HTT: variants seen among roughly 807,000 people sequenced by gnomAD.
HTT encodes huntington disease protein.
In HTT, 104 loss-of-function variants were observed where a neutral mutation model predicts 362.3. The observed-to-expected ratio is 0.29, with a 90% CI of 0.24 to 0.34. The LOEUF (loss-of-function observed/expected upper bound fraction) is 0.34. Ranked by LOEUF, HTT falls within the 10% of genes least tolerant of loss-of-function variation. HTT has a pLI of 1.00. For synonymous variants in HTT, 1,577 were observed against 1,548.7 expected (o/e 1.02, Z -0.43); for missense variants, 3,301 against 3,928.6 (o/e 0.84, Z 4.27).
In HTT at chr4:3,107,435, G is replaced by A; in HGVS notation, c.747+12G>A. The A allele has an allele frequency of 6.2e-7, 1 of 1,613,904 alleles. No homozygotes were observed. Among genetic ancestry groups the A allele is most frequent in the Non-Finnish European group, 8.5e-7 (1 of 1,179,804 alleles). ...ACAATGAAATTAAGGTATGATTGTT[G>A]CCTCAGGTCACAAACATGCGAGTGA... On this transcript the variant is annotated intron_variant, in intron 6 of 66. Coordinates refer to ENST00000355072, the MANE Select transcript of HTT (RefSeq NM_001388492.1).
chr4:3,133,112 C>G (rs1215596182), intron 18 of HTT, among the ~76,000 whole-genome samples: 1 of 152,084 alleles, frequency 6.6e-6, no homozygotes. Flanking sequence ...AGTTTAAGTT[C>G]TAATTCTCAG....
Position 3,172,351 on chromosome 4 carries a change from C to T in HTT, c.3896C>T (p.Ser1299Phe). 1.9e-6 allele frequency: 3 copies of T among 1,606,002 alleles called. No homozygotes were observed. The highest frequency in any genetic ancestry group is 1.7e-6 in the Non-Finnish European group (2 of 1,174,256). Residue 1299 changes from serine to phenylalanine, a missense_variant, in exon 30 of 67, where the codon TCC becomes TTC. Around this residue, in one of 4 missense-constraint regions of HTT, gnomAD observed 2,316 missense variants for 2,658.5 expected, o/e 0.87. Transcript: ENST00000355072. ...GAAGAGATCCTAGGATACCTGAAAT[C>T]CTGCTTTAGTCGAGAACCAATGATG... ...CVEEILGYLK[S>F]CFSREPMMAT...
chr4:3,180,821 G>GT (rs1234768679), intron 36 of HTT, 170 bp downstream of exon 36: 1 of 266,200 alleles, frequency 3.8e-6, no homozygotes, highest in Non-Finnish European at 6.8e-6. Context: ...GAGGCGGGGG[G>GT]TGGGGGGGTG....
chr4:3,112,381 A>G (rs1181410138), intron 6 of HTT, among the ~76,000 whole-genome samples: 1 of 152,220 alleles, frequency 6.6e-6, no homozygotes, highest in African/African-American at 2.4e-5. Context: ...AGGTCAAGAC[A>G]GAATATTACC....
At chr4:3,192,093 G>T (rs947499000) in intron 40 of HTT, among the ~76,000 whole-genome samples, 1 of 152,054 alleles carries the variant, frequency 6.6e-6, no homozygotes, top group African/African-American at 2.4e-5. Flanking sequence ...TAAAGATAGG[G>T]TCTCACTTTG....
In HTT at chr4:3,241,769, C is replaced by G. The variant is rs1217444477; in HGVS notation, c.*1710C>G. 4 of 152,248 alleles carry G rather than the reference C, an allele frequency of 2.6e-5. No individual in the cohort carries two copies. The highest frequency in any genetic ancestry group is 6.5e-5 in the Admixed American group (1 of 15,282). The allele number at this position is 152,248 out of a possible 1,614,324, so 9.4% of individuals were successfully genotyped here. A position where few individuals can be genotyped will look rare whatever the true frequency, so the allele number is the denominator to read the frequency against. ...AGGGGGAGCTGAAAGGGAGCCCCTC[C>G]TCTGAGCAGCCTCTGCCAGGCCTGT... is the stretch of plus-strand genomic sequence containing the variant. On this transcript the variant is annotated 3_prime_UTR_variant, in exon 67 of 67. Transcript: ENST00000355072.
intron 64 of HTT, among the ~76,000 whole-genome samples, chr4:3,237,942 A>G (rs1721618326): frequency 6.6e-6 from 1 of 152,226 alleles, no homozygotes. Flanking sequence ...TAGAACACAT[A>G]GGGATGTTTG....
chr4:3,125,379 A>G (rs1014006315), intron 10 of HTT, among the ~76,000 whole-genome samples, 170 bp from the exon 11 acceptor site: 7 of 152,324 alleles, frequency 4.6e-5, no homozygotes, highest in East Asian at 1.9e-4. Context: ...TAACATCTCT[A>G]CATTCTTTGT....
In HTT at chr4:3,178,304, A is replaced by G; in HGVS notation, c.4470A>G (p.Ser1490=). 1.9e-6 allele frequency: 3 copies of G among 1,605,114 alleles called. No individual in the cohort carries two copies. Among genetic ancestry groups the G allele is most frequent in the Non-Finnish European group, 2.6e-6 (3 of 1,172,562 alleles). Residue 1490 remains serine, a synonymous_variant, in exon 35 of 67, where the codon TCA becomes TCG. Coordinates refer to ENST00000355072, the MANE Select transcript of HTT (RefSeq NM_001388492.1). ...EYIEVGQFRE[S]EAIIPNIFFF... is the part of the protein sequence containing the mutation. ...TGGATGTTTTTGTTTTTAGGGAATC[A>G]GAGGCAATCATTCCAAACATCTTTT...
intron 61 of HTT, 133 bp from the exon 62 acceptor site, chr4:3,235,151 C>T (rs1419671700): frequency 4.6e-6 from 3 of 651,786 alleles, no homozygotes; most frequent in Non-Finnish European, 5.4e-6. Flanking sequence ...CTGGGGGAGC[C>T]ACTCAGGGTA....
chr4:3,167,479 A>G (rs766014813), intron 29 of HTT, among the ~76,000 whole-genome samples: 8 of 151,984 alleles, frequency 5.3e-5, no homozygotes, highest in East Asian at 3.8e-4. Context: ...GGAAAATACT[A>G]TATGTTTTAA....
At chr4:3,140,897 C>T (rs746700955) in intron 22 of HTT, among the ~76,000 whole-genome samples, 2 of 152,194 alleles carry the variant, frequency 1.3e-5, no homozygotes, top group Non-Finnish European at 2.9e-5. Flanking sequence ...TAGTTTATTA[C>T]ATTCCATGTG....
At chr4:3,185,675 G>A (rs1234731041) in intron 37 of HTT, among the ~76,000 whole-genome samples, 1 of 152,196 alleles carries the variant, frequency 6.6e-6, no homozygotes, top group Non-Finnish European at 1.5e-5. Flanking sequence ...CACTTTGGGA[G>A]GCCAAGGCAG....
intron 51 of HTT, among the ~76,000 whole-genome samples, chr4:3,216,226 G>A (rs1279851906): frequency 6.6e-6 from 1 of 152,252 alleles, no homozygotes; most frequent in African/African-American, 2.4e-5. Context: ...TGACCCAGAA[G>A]CAATGGCATT....
chr4:3,223,602 C>G (rs764109480), intron 55 of HTT, 42 bp downstream of exon 55: 2 of 1,546,380 alleles, frequency 1.3e-6, no homozygotes, highest in South Asian at 1.2e-5. Context: ...ATAGCAGGTG[C>G]TGGGGACAGT....
At chr4:3,194,036 C>G (rs363121) in intron 40 of HTT, among the ~76,000 whole-genome samples, 1 of 152,140 alleles carries the variant, frequency 6.6e-6, no homozygotes, top group South Asian at 2.1e-4. Context: ...TGATTGGTTT[C>G]AAGATAAGAG....
chr4:3,106,054 T>G (rs934598178), intron 5 of HTT, among the ~76,000 whole-genome samples: 3 of 152,202 alleles, frequency 2.0e-5, no homozygotes, highest in African/African-American at 7.2e-5. Flanking sequence ...CCCTCACTAT[T>G]AATATGAACT....
At chr4:3,113,106 C>T (rs1246811889) in intron 6 of HTT, 2 of 655,080 alleles carry the variant, frequency 3.1e-6, no homozygotes, top group Non-Finnish European at 3.8e-6. Context: ...ATACAGTATG[C>T]CTCCTCTGTG....
chr4:3,224,871 C>G (rs1720836806), intron 56 of HTT, among the ~76,000 whole-genome samples: 1 of 152,176 alleles, frequency 6.6e-6, no homozygotes, highest in African/African-American at 2.4e-5. Flanking sequence ...GCCATGGATC[C>G]AGCCTTCAAG....
Sources: gnomAD v4.1 joint callset for allele counts (sites outside exome capture counted in the v4.1 genomes callset) on GRCh38, gnomAD v4.1.1 for gene constraint, gnomAD v4.1.1 regional missense constraint, MANE v1.5 for transcripts, NCBI Gene and HGNC (gene_info 2026-07-23, HGNC 2026-07-21) for gene names.